Variants in ZNF160 observed in about 807,000 individuals in gnomAD.
ZNF160 encodes KRAB zinc finger protein KR18.
In ZNF160, 9 loss-of-function variants were observed where a neutral mutation model predicts 13.1. That is an observed-to-expected ratio of 0.69 (90% CI 0.41 to 1.20). ZNF160 has a LOEUF of 1.20. Ranked by LOEUF, ZNF160 falls within the 50% of genes most tolerant of loss-of-function variation. The pLI, the probability that ZNF160 is intolerant of heterozygous loss-of-function variation, is 0.01. For missense variants in ZNF160, 838 were observed against 988.0 expected (o/e 0.85, Z 2.04); for synonymous variants, 293 against 333.2 (o/e 0.88, Z 1.31).
intron 3 of ZNF160, among the ~76,000 whole-genome samples, chr19:53,078,159 G>A (rs1020898724): frequency 3.9e-5 from 6 of 152,074 alleles, no homozygotes; most frequent in South Asian, 2.1e-4. Flanking sequence ...AGAATCGCTT[G>A]GACCCAGGAG....
At chr19:53,081,083 A>C (rs1390148286) in intron 3 of ZNF160, among the ~76,000 whole-genome samples, 2 of 152,214 alleles carry the variant, frequency 1.3e-5, no homozygotes, top group African/African-American at 4.8e-5. Context: ...AGATGGATTA[A>C]ATACTTAATA....
chr19:53,073,287 A>G (rs2084248544), intron 5 of ZNF160: 1 of 1,561,504 alleles, frequency 6.4e-7, no homozygotes, highest in Non-Finnish European at 8.6e-7. Flanking sequence ...CTGAGGATCA[A>G]TGACAGAAGG....
intron 1 of ZNF160, among the ~76,000 whole-genome samples, chr19:53,092,455 C>T (rs919173912): frequency 2.6e-5 from 4 of 152,124 alleles, no homozygotes; most frequent in African/African-American, 9.7e-5. Flanking sequence ...GGATTACAGG[C>T]ACACGCCACT....
intron 1 of ZNF160, among the ~76,000 whole-genome samples, chr19:53,101,413 C>A (rs1423214043): frequency 2.2e-5 from 3 of 139,106 alleles, no homozygotes; most frequent in African/African-American, 5.7e-5. Context: ...CAAATGGAAA[C>A]CATTTTGAAA....
At chr19:53,097,679 GA>G (rs1301360177) in intron 1 of ZNF160, among the ~76,000 whole-genome samples, 1 of 152,170 alleles carries the variant, frequency 6.6e-6, no homozygotes, top group Non-Finnish European at 1.5e-5. Context: ...ATCAGGAAAG[GA>G]AACACTCCAA....
intron 3 of ZNF160, among the ~76,000 whole-genome samples, chr19:53,083,487 T>C (rs1441715936): frequency 6.6e-6 from 1 of 152,228 alleles, no homozygotes; most frequent in Non-Finnish European, 1.5e-5. Context: ...TTTCATTTCG[T>C]TAAGGCCTTC....
At chr19:53,099,122 A>G (rs78442099) in intron 1 of ZNF160, among the ~76,000 whole-genome samples, 2,006 of 147,670 alleles carry the variant, frequency 0.014, no homozygotes, top group Middle Eastern at 0.021. Flanking sequence ...AAAATAATCC[A>G]TGCAGAAGAG....
In ZNF160 at chr19:53,070,172, TG is replaced by T; in HGVS notation, c.361del (p.His121ThrfsTer52). The part of the protein sequence containing the change: ...AVFHTVVLER[H>X]ESPDIEDFSF... The stretch of plus-strand genomic sequence containing the variant: ...AAAGTCTTCAATGTCAGGGCTTTCG[TG>T]TCTTTCCAACACCACTGTGTGGAAT... On this transcript the variant is annotated frameshift_variant, in exon 6 of 6. Coordinates refer to ENST00000683776, the MANE Select transcript of ZNF160 (RefSeq NM_001322131.2). LOFTEE classifies it low-confidence loss of function (END_TRUNC). 2.5e-6 allele frequency: 4 copies of T among 1,614,128 alleles called. No homozygotes were observed. Among genetic ancestry groups the T allele is most frequent in the Non-Finnish European group, 2.5e-6 (3 of 1,180,044 alleles).
intron 3 of ZNF160, among the ~76,000 whole-genome samples, chr19:53,080,578 C>G (rs1192087417): frequency 6.6e-6 from 1 of 152,124 alleles, no homozygotes; most frequent in Non-Finnish European, 1.5e-5. Context: ...TCAGACAACA[C>G]GAACAAATGG....
chr19:53,075,697 T>C, intron 3 of ZNF160: 4 of 518,248 alleles, frequency 7.7e-6, no homozygotes, highest in South Asian at 5.6e-5. Flanking sequence ...CACTTCCATC[T>C]AGATGTTCAT....
chr19:53,075,771 GAGCCACTCAAGCA>G (rs1409818936), intron 3 of ZNF160: 4 of 518,842 alleles, frequency 7.7e-6, no homozygotes, highest in African/African-American at 1.9e-5. Context: ...TGTGTTATGT[GAGCCACTCAAGCA>G]AACTAATCAA....
At chr19:53,094,773 G>C (rs1347063066) in intron 1 of ZNF160, among the ~76,000 whole-genome samples, 1 of 152,184 alleles carries the variant, frequency 6.6e-6, no homozygotes, top group Non-Finnish European at 1.5e-5. Flanking sequence ...TAAGCAGGAA[G>C]CATCCCCGGC....
chr19:53,093,381 A>G (rs12709935), intron 1 of ZNF160, among the ~76,000 whole-genome samples: 86,531 of 151,974 alleles, frequency 0.57, 25,040 homozygotes, highest in Non-Finnish European at 0.61. Context: ...AGAGGCTGCA[A>G]TGAGCCAAGA....
intron 1 of ZNF160, among the ~76,000 whole-genome samples, chr19:53,101,774 A>T (rs1301605048): frequency 6.6e-6 from 1 of 152,246 alleles, no homozygotes; most frequent in East Asian, 1.9e-4. Context: ...ATGGCTAAAC[A>T]GCATGGGCAA....
intron 1 of ZNF160, among the ~76,000 whole-genome samples, chr19:53,096,474 T>C (rs367594621): frequency 1.3e-5 from 2 of 150,794 alleles, no homozygotes; most frequent in African/African-American, 4.9e-5. Flanking sequence ...GGGATCCCTG[T>C]CTGAGGCTCA....
At chr19:53,076,736 A>C (rs2084406719) in intron 3 of ZNF160, among the ~76,000 whole-genome samples, 1 of 152,168 alleles carries the variant, frequency 6.6e-6, no homozygotes, top group Non-Finnish European at 1.5e-5. Flanking sequence ...ATAACACTAC[A>C]TGGACCAAAT....
At chr19:53,073,623 T>C (rs2084267810) in intron 5 of ZNF160, 3 of 1,349,444 alleles carry the variant, frequency 2.2e-6, no homozygotes, top group Admixed American at 3.0e-5. Flanking sequence ...CCATATGGAA[T>C]TAAATACAGA....
intron 1 of ZNF160, among the ~76,000 whole-genome samples, chr19:53,093,019 T>C (rs1012618367): frequency 6.6e-6 from 1 of 152,184 alleles, no homozygotes; most frequent in African/African-American, 2.4e-5. Flanking sequence ...TTCATTAAAT[T>C]GAGAATAGTA....
At chr19:53,077,979 C>G (rs149354770) in intron 3 of ZNF160, among the ~76,000 whole-genome samples, 1 of 152,122 alleles carries the variant, frequency 6.6e-6, no homozygotes, top group East Asian at 1.9e-4. Context: ...TGATGGCTCA[C>G]GCCTGTAATC....
Sources: allele counts gnomAD v4.1 joint callset (sites outside exome capture counted in the v4.1 genomes callset), GRCh38; gene constraint gnomAD v4.1.1; transcripts MANE v1.5; gene names NCBI Gene and HGNC (gene_info 2026-07-23, HGNC 2026-07-21).